The following LYPD6B variants were observed in gnomAD, a reference collection of about 807,000 sequenced individuals.
LYPD6B encodes LY6/PLAUR domain containing 6B, also known as ly6/PLAUR domain-containing protein 6B.
LYPD6B carries 17 observed loss-of-function variants against 22.8 expected under a neutral mutation model. The observed-to-expected ratio is 0.75, with a 90% CI of 0.51 to 1.12. The LOEUF (loss-of-function observed/expected upper bound fraction) is 1.12. Ranked by LOEUF, LYPD6B falls within the 50% of genes most tolerant of loss-of-function variation. The pLI is 0.00. For synonymous variants in LYPD6B, 106 were observed against 91.6 expected (o/e 1.16, Z -0.90); for missense variants, 221 against 258.3 (o/e 0.86, Z 0.99).
rs557312887 is a variant in LYPD6B, at chr2:149,040,406, A to G, written c.-67+1605A>G. Among the ~76,000 whole-genome samples, 9 of 152,030 alleles carry G rather than the reference A, an allele frequency of 5.9e-5. No homozygotes were observed. In the South Asian group the frequency reaches 1.7e-3, roughly 28 times the overall value. On this transcript the variant is annotated intron_variant, in intron 1 of 6. Coordinates refer to ENST00000409642, the MANE Select transcript of LYPD6B (RefSeq NM_177964.5). The stretch of plus-strand genomic sequence containing the variant: ...ACGTGGGACTAATTTTTGTATTTTT[A>G]GTGGAGATGAGGTTTCACCATGTTG...
intron 1 of LYPD6B, among the ~76,000 whole-genome samples, chr2:149,105,524 T>C (rs1391959558): frequency 6.6e-6 from 1 of 152,216 alleles, no homozygotes; most frequent in African/African-American, 2.4e-5. Flanking sequence ...TTTCACATTA[T>C]TGTCAGATTT....
intron 6 of LYPD6B, among the ~76,000 whole-genome samples, 188 bp downstream of exon 6, chr2:149,213,310 CAG>C (rs565238492): frequency 3.4e-5 from 5 of 146,190 alleles, no homozygotes; most frequent in African/African-American, 4.9e-5. Flanking sequence ...GACCAAAGAA[CAG>C]AGACTCCATA....
At chr2:149,043,509 T>G (rs891310704) in intron 1 of LYPD6B, among the ~76,000 whole-genome samples, 3 of 152,188 alleles carry the variant, frequency 2.0e-5, no homozygotes, top group Non-Finnish European at 2.9e-5. Context: ...TTGAGTTTTC[T>G]TGTTGTTCAG....
chr2:149,160,014 T>C (rs912791072), intron 2 of LYPD6B, among the ~76,000 whole-genome samples: 1 of 150,822 alleles, frequency 6.6e-6, no homozygotes, highest in African/African-American at 2.5e-5. Flanking sequence ...ATTAGTCAGG[T>C]GTGGTGGTAC....
chr2:149,070,699 A>G (rs1230428068), intron 1 of LYPD6B, among the ~76,000 whole-genome samples: 1 of 147,198 alleles, frequency 6.8e-6, no homozygotes, highest in African/African-American at 2.6e-5. Flanking sequence ...CACTGTATAG[A>G]ACAGCCTGTG....
chr2:149,088,444 A>G (rs1363579611), intron 1 of LYPD6B, among the ~76,000 whole-genome samples: 2 of 152,142 alleles, frequency 1.3e-5, no homozygotes, highest in Non-Finnish European at 2.9e-5. Context: ...TTCAAAATTT[A>G]GTTATGGGAA....
chr2:149,051,505 G>A (rs894808245), intron 1 of LYPD6B, among the ~76,000 whole-genome samples: 7 of 152,186 alleles, frequency 4.6e-5, no homozygotes, highest in Middle Eastern at 3.4e-3. Context: ...TAATCATGAA[G>A]GTATATCTGT....
chr2:149,041,085 C>G (rs1253726125), intron 1 of LYPD6B, among the ~76,000 whole-genome samples: 3 of 129,448 alleles, frequency 2.3e-5, no homozygotes, highest in Non-Finnish European at 3.1e-5. Context: ...GGCAGCAGAG[C>G]AAGACTCCGT....
chr2:149,089,224 G>A (rs1685533785), intron 1 of LYPD6B, among the ~76,000 whole-genome samples: 1 of 152,120 alleles, frequency 6.6e-6, no homozygotes. Context: ...AACATTCCAG[G>A]AAATTAGTTC....
rs566152581 is a variant in LYPD6B at position 149,154,622 on chromosome 2, G to T, written c.6-6142G>T. 5.6e-5 allele frequency among the ~76,000 whole-genome samples: 8 copies of T among 143,572 alleles called. No individual in the cohort carries two copies. The South Asian group carries it at 1.3e-3, about 22-fold the overall frequency. 94.2% of individuals were successfully genotyped at this position (143,572 alleles called of 152,430 possible). A position where few individuals can be genotyped will look rare whatever the true frequency, so the allele number is the denominator to read the frequency against. On this transcript the variant is annotated intron_variant, in intron 2 of 6. Coordinates refer to ENST00000409642, the MANE Select transcript of LYPD6B (RefSeq NM_177964.5). ...TTTTATGTGATCCACTGAAAAGATA[G>T]ATATTCATTGAGAATATCCTGTTGC...
At chr2:149,118,246 T>A (rs921616555) in intron 1 of LYPD6B, 10 of 152,388 alleles carry the variant, frequency 6.6e-5, no homozygotes, top group African/African-American at 2.4e-4. Context: ...GGACCACCAC[T>A]ACCGAGGCTG....
At chr2:149,055,142 A>G (rs1045318769) in intron 1 of LYPD6B, among the ~76,000 whole-genome samples, 5 of 152,202 alleles carry the variant, frequency 3.3e-5, no homozygotes, top group Non-Finnish European at 7.3e-5. Context: ...GTTTGTTGCC[A>G]AGAGTGTTCT....
intron 2 of LYPD6B, among the ~76,000 whole-genome samples, chr2:149,156,088 G>A (rs977482032): frequency 6.6e-6 from 1 of 152,150 alleles, no homozygotes; most frequent in African/African-American, 2.4e-5. Flanking sequence ...AGAGAAATGA[G>A]GACATGATTT....
chr2:149,049,963 G>C lies in LYPD6B; in HGVS notation c.-67+11162G>C, dbSNP rs1235461274. Among the ~76,000 whole-genome samples the C allele has an allele frequency of 2.0e-5, 3 of 152,162 alleles. No homozygotes were observed. The East Asian group carries it at 5.8e-4, about 29-fold the overall frequency. ...AGTAGCTAAGAGAATCTGTAGGCTA[G>C]ATACAAAGGGGAAATCTAATTTGAA... On this transcript the variant is annotated intron_variant, in intron 1 of 6. Transcript: ENST00000409642.
At chr2:149,157,090 C>T (rs1476066679) in intron 2 of LYPD6B, among the ~76,000 whole-genome samples, 1 of 152,134 alleles carries the variant, frequency 6.6e-6, no homozygotes, top group Non-Finnish European at 1.5e-5. Context: ...TAAGTAATTA[C>T]TTCGGACAGA....
intron 1 of LYPD6B, among the ~76,000 whole-genome samples, chr2:149,094,544 C>T (rs1243123093): frequency 6.6e-6 from 1 of 152,210 alleles, no homozygotes; most frequent in Non-Finnish European, 1.5e-5. Context: ...GATGTGGTGC[C>T]TGTTAGAGCA....
intron 3 of LYPD6B, among the ~76,000 whole-genome samples, chr2:149,203,422 A>C (rs557722751): frequency 8.5e-5 from 13 of 152,314 alleles, no homozygotes; most frequent in Middle Eastern, 3.4e-3. Flanking sequence ...AGGGTATAAT[A>C]ATGACTATGG....
At chr2:149,097,212 A>C (rs1309463868) in intron 1 of LYPD6B, among the ~76,000 whole-genome samples, 3 of 152,214 alleles carry the variant, frequency 2.0e-5, no homozygotes, top group African/African-American at 7.2e-5. Context: ...AACCTCTCCT[A>C]CTGGAAGTGC....
chr2:149,120,383 A>ATTTTTTTTTTTT (rs869074241), intron 1 of LYPD6B, among the ~76,000 whole-genome samples: 2 of 48,614 alleles, frequency 4.1e-5, no homozygotes, highest in African/African-American at 1.1e-4. Flanking sequence ...ATATATATAT[A>ATTTTTTTTTTTT]TTTTTTTTTT....
Sources: allele counts gnomAD v4.1 joint callset (sites outside exome capture counted in the v4.1 genomes callset), GRCh38; gene constraint gnomAD v4.1.1; transcripts MANE v1.5; gene names NCBI Gene and HGNC (gene_info 2026-07-23, HGNC 2026-07-21).